PSMD1: variants seen among roughly 807,000 people sequenced by gnomAD.
The protein encoded by PSMD1 is proteasome 26S subunit, non-ATPase 1.
PSMD1 carries 18 observed loss-of-function variants against 119.0 expected under a neutral mutation model. The observed-to-expected ratio is 0.15, with a 90% CI of 0.10 to 0.22. The LOEUF (loss-of-function observed/expected upper bound fraction) is 0.22. Ranked by LOEUF, PSMD1 falls within the 10% of genes least tolerant of loss-of-function variation. PSMD1 has a pLI of 1.00. For synonymous variants in PSMD1, 374 were observed against 396.6 expected (o/e 0.94, Z 0.68); for missense variants, 702 against 1,158.5 (o/e 0.61, Z 5.72).
At chr2:231,108,884 A>G (rs1358767554) in intron 16 of PSMD1, 1 of 1,614,076 alleles carries the variant, frequency 6.2e-7, no homozygotes, top group Non-Finnish European at 8.5e-7. Flanking sequence ...CTCCAGGAGC[A>G]TTTGGAGAGT....
rs568451050 is a variant in PSMD1, at chr2:231,108,785, C to G, written c.1883+21604C>G. ...GGCCCGGTAATTGCAGGTGATATAT[C>G]GGCCAAATGCATCCCGAAATGTCTT... On this transcript the variant is annotated intron_variant, in intron 16 of 24. Transcript: ENST00000308696. 83 of 1,614,048 alleles carry G rather than the reference C, an allele frequency of 5.1e-5. No homozygotes were observed. In the East Asian group the frequency reaches 1.8e-3, roughly 35 times the overall value.
intron 19 of PSMD1, among the ~76,000 whole-genome samples, chr2:231,158,246 G>A (rs113871829): frequency 0.022 from 3,288 of 152,154 alleles, 130 homozygotes; most frequent in African/African-American, 0.075. Flanking sequence ...GGAGGTGAAG[G>A]TTGCAGTGAG....
At position 231,161,326 on chromosome 2, in the gene PSMD1, C is replaced by T; in HGVS notation, c.2219-14C>T. ...AATACTATTATTGTTCATGGTTTCTCTCTTTTTCTACAGGTGGTCATAATG... is the reference window on the plus strand; with the variant it reads ...AATACTATTATTGTTCATGGTTTCTTTCTTTTTCTACAGGTGGTCATAATG... On this transcript the variant is annotated splice_polypyrimidine_tract_variant and intron_variant, in intron 19 of 24. Coordinates refer to ENST00000308696, the MANE Select transcript of PSMD1 (RefSeq NM_002807.4). 6.3e-7 allele frequency: 1 copy of T among 1,583,528 alleles called. No homozygotes were observed. Among genetic ancestry groups the T allele is most frequent in the Non-Finnish European group, 8.6e-7 (1 of 1,160,872 alleles).
chr2:231,066,987 G>T lies in PSMD1; in HGVS notation c.386G>T (p.Arg129Ile), dbSNP rs1187022445. The T allele has an allele frequency of 6.2e-7, 1 of 1,613,432 alleles. No individual in the cohort carries two copies. The highest frequency in any genetic ancestry group is 8.5e-7 in the Non-Finnish European group (1 of 1,179,782). ...GGAGAAAAAAAACCAATTGACCAGAGATTGGAAGGCATCGTAAATAAAATG... is the reference window on the plus strand; with the variant it reads ...GGAGAAAAAAAACCAATTGACCAGATATTGGAAGGCATCGTAAATAAAATG... Reference protein sequence around the residue: ...PEGEKKPIDQRLEGIVNKMFQ... With the variant: ...PEGEKKPIDQILEGIVNKMFQ... The change falls in exon 5 of 25, where the codon AGA becomes ATA. Residue 129 changes from arginine (R) to isoleucine (I), a missense_variant. Arg to Ile is a moderately conservative substitution (Grantham distance 97). Transcript: ENST00000308696.
chr2:231,146,200 A>G, intron 17 of PSMD1, 40 bp from the exon 18 acceptor site: 2 of 1,410,764 alleles, frequency 1.4e-6, no homozygotes, highest in Non-Finnish European at 2.0e-6. Context: ...AGCCATATCA[A>G]CTTTATTTAA....
chr2:231,172,036 C>T (rs1007001023), intron 24 of PSMD1, among the ~76,000 whole-genome samples: 3 of 152,158 alleles, frequency 2.0e-5, no homozygotes, highest in Non-Finnish European at 4.4e-5. Flanking sequence ...ATTTATACCT[C>T]AGGAAGACTA....
Position 231,074,543 on chromosome 2 carries a change from ATTTTCTC to A in PSMD1, c.882-966_882-960del, listed in dbSNP as rs545472788. ...TATTATTTTTTCTCTTTTATTTCTG[ATTTTCTC>A]TAGTTCTATCATGTTAATTTCTGAG... On this transcript the variant is annotated intron_variant, in intron 7 of 24. Coordinates refer to ENST00000308696, the MANE Select transcript of PSMD1 (RefSeq NM_002807.4). Among the ~76,000 whole-genome samples, 29 of 149,894 alleles carry A rather than the reference ATTTTCTC, an allele frequency of 1.9e-4. No homozygotes were observed. In the East Asian group the frequency reaches 4.7e-3, roughly 24 times the overall value.
intron 16 of PSMD1, among the ~76,000 whole-genome samples, chr2:231,124,784 A>G (rs1695678291): frequency 6.6e-6 from 1 of 152,110 alleles, no homozygotes; most frequent in Non-Finnish European, 1.5e-5. Flanking sequence ...CAAAAGGAAG[A>G]TTAGACCATT....
At chr2:231,158,787 C>T (rs745557799) in intron 19 of PSMD1, among the ~76,000 whole-genome samples, 4 of 152,146 alleles carry the variant, frequency 2.6e-5, no homozygotes, top group South Asian at 2.1e-4. Flanking sequence ...ACTGGAGTCT[C>T]CTTAGGATCT....
At chr2:231,057,787 G>A (rs975634681) in intron 1 of PSMD1, among the ~76,000 whole-genome samples, 3 of 152,238 alleles carry the variant, frequency 2.0e-5, no homozygotes, top group Non-Finnish European at 2.9e-5. Flanking sequence ...TTGCAATGGA[G>A]TAAGTTACAG....
At position 231,067,018 on chromosome 2, in the gene PSMD1, G is replaced by A; in HGVS notation, c.417G>A (p.Gln139=). The part of the protein sequence containing the change: ...RLEGIVNKMF[Q]RCLDDHKYKQ... ...AAGGCATCGTAAATAAAATGTTCCA[G>A]CGATGTCTAGATGATCACAAGTATA... The change falls in exon 5 of 25, where the codon CAG becomes CAA. Residue 139 remains glutamine (Q), a synonymous_variant. Transcript: ENST00000308696. The A allele has an allele frequency of 6.2e-7, 1 of 1,613,882 alleles. No homozygotes were observed.
chr2:231,065,333 C>T (rs767920078), intron 4 of PSMD1, among the ~76,000 whole-genome samples: 2 of 151,244 alleles, frequency 1.3e-5, no homozygotes, highest in Non-Finnish European at 2.9e-5. Flanking sequence ...CGCTCTGTCT[C>T]CCAGGCTGGA....
At chr2:231,104,713 A>T (rs1203207544) in intron 16 of PSMD1, among the ~76,000 whole-genome samples, 1 of 152,176 alleles carries the variant, frequency 6.6e-6, no homozygotes, top group Admixed American at 6.5e-5. Context: ...AACAGGCTTC[A>T]TGATAGACCA....
At position 231,056,916 on chromosome 2, in the gene PSMD1, G is replaced by A. The variant is rs529042591; in HGVS notation, c.-110G>A. ...GCCTGAGGAGGCGACTGACTGAGCAGCGCACCCGGGGAGCAAGGAGGCGCG... is the reference window on the plus strand; with the variant it reads ...GCCTGAGGAGGCGACTGACTGAGCAACGCACCCGGGGAGCAAGGAGGCGCG... On this transcript the variant is annotated 5_prime_UTR_variant, in exon 1 of 25. Transcript: ENST00000308696. The A allele has an allele frequency of 3.8e-4, 551 of 1,440,838 alleles. No homozygotes were observed. The highest frequency in any genetic ancestry group is 5.0e-4 in the Non-Finnish European group (527 of 1,063,020). The allele number at this position is 1,440,838 out of a possible 1,614,324, so 89.3% of individuals were successfully genotyped here. A position where few individuals can be genotyped will look rare whatever the true frequency, so the allele number is the denominator to read the frequency against.
intron 16 of PSMD1, among the ~76,000 whole-genome samples, chr2:231,091,219 A>G (rs1694581570): frequency 6.6e-6 from 1 of 152,208 alleles, no homozygotes; most frequent in South Asian, 2.1e-4. Context: ...CGACCCACCA[A>G]ATAGAGAGCA....
intron 4 of PSMD1, among the ~76,000 whole-genome samples, chr2:231,066,274 A>G (rs1485980391): frequency 6.6e-6 from 1 of 152,264 alleles, no homozygotes; most frequent in Non-Finnish European, 1.5e-5. Context: ...CTTGTGGCAC[A>G]TTTCAAGTCA....
At position 231,139,314 on chromosome 2, in the gene PSMD1, C is replaced by CTT. The variant is rs60709158; in HGVS notation, c.1998+486_1998+487dup. 1.4e-3 allele frequency among the ~76,000 whole-genome samples: 128 copies of CTT among 93,524 alleles called. 1 individual carries two copies. Among genetic ancestry groups the CTT allele is most frequent in the Non-Finnish European group, 1.9e-3 (91 of 49,046 alleles). The allele number at this position is 93,524 out of a possible 152,430, so 61.4% of individuals were successfully genotyped here. A position where few individuals can be genotyped will look rare whatever the true frequency, so the allele number is the denominator to read the frequency against. On this transcript the variant is annotated intron_variant, in intron 17 of 24. Transcript: ENST00000308696. ...CCACCGCACCAGGCTTTTTTTCTTT[C>CTT]TTTTTTTTTTTTTTTTTTTTTTTCT...
intron 2 of PSMD1, among the ~76,000 whole-genome samples, chr2:231,061,814 C>A (rs535959763): frequency 2.6e-5 from 4 of 152,276 alleles, no homozygotes; most frequent in Non-Finnish European, 4.4e-5. Context: ...AAGTGATCCC[C>A]CCGCCTTGAC....
In PSMD1 at chr2:231,105,142, G is replaced by T. The variant is rs897927650; in HGVS notation, c.1883+17961G>T. ...TCCTTTATTCTTAGGATAGTCCAGGGTGTTACAGTATTTTATTTCTTCCTT... is the reference window on the plus strand; with the variant it reads ...TCCTTTATTCTTAGGATAGTCCAGGTTGTTACAGTATTTTATTTCTTCCTT... On this transcript the variant is annotated intron_variant, in intron 16 of 24. Transcript: ENST00000308696. Among the ~76,000 whole-genome samples the T allele has an allele frequency of 4.6e-5, 7 of 152,140 alleles. No individual in the cohort carries two copies. In the South Asian group the frequency reaches 6.2e-4, roughly 14 times the overall value.
Sources: allele counts gnomAD v4.1 joint callset (sites outside exome capture counted in the v4.1 genomes callset), GRCh38; gene constraint gnomAD v4.1.1; transcripts MANE v1.5; gene names NCBI Gene and HGNC (gene_info 2026-07-23, HGNC 2026-07-21).